The following GAB4 variants were observed in gnomAD, a reference collection of about 807,000 sequenced individuals.
GAB4 encodes GRB2-associated-binding protein 4.
Under a neutral mutation model 51.3 loss-of-function variants are expected in GAB4, and 26 were observed. The observed-to-expected ratio is 0.51, with a 90% CI of 0.37 to 0.70. GAB4 has a LOEUF of 0.70. Ranked by LOEUF, GAB4 falls within the 30% of genes least tolerant of loss-of-function variation. GAB4 has a pLI of 0.00. For missense variants in GAB4, 759 were observed against 734.6 expected, an observed-to-expected ratio of 1.03 and a Z score of -0.38; for synonymous variants, 329 against 291.2, an observed-to-expected ratio of 1.13 and a Z score of -1.32.
intron 3 of GAB4, among the ~76,000 whole-genome samples, chr22:16,974,718 G>A (rs1164881182): frequency 6.6e-6 from 1 of 152,318 alleles, no homozygotes; most frequent in African/African-American, 2.4e-5. Flanking sequence ...ATGGGTGGCT[G>A]GCAAGATGGC....
At chr22:16,970,638 G>A (rs74664467) in intron 3 of GAB4, among the ~76,000 whole-genome samples, 6,826 of 152,206 alleles carry the variant, frequency 0.045, 234 homozygotes, top group Middle Eastern at 0.088. Flanking sequence ...GCTGAGAGAC[G>A]GTGGGGAGAG....
At chr22:16,976,192 A>G (rs1362963668) in intron 3 of GAB4, among the ~76,000 whole-genome samples, 1 of 152,256 alleles carries the variant, frequency 6.6e-6, no homozygotes, top group African/African-American at 2.4e-5. Context: ...TGACAGAAGT[A>G]GGCTTCAGCA....
chr22:16,995,284 T>C lies in GAB4; in HGVS notation c.175-3108A>G, dbSNP rs532712146. Among the ~76,000 whole-genome samples the C allele has an allele frequency of 1.5e-3, 222 of 152,340 alleles. 1 individual carries two copies. Among genetic ancestry groups the C allele is most frequent in the Non-Finnish European group, 2.5e-3 (172 of 68,020 alleles). ...TTTCCCAAATCTGTAAGCAGATCCT[T>C]GAAAGCTGTGGATTGCTCGGCTCCA... On this transcript the variant is annotated intron_variant, in intron 1 of 9. Transcript: ENST00000400588.
intron 1 of GAB4, among the ~76,000 whole-genome samples, chr22:17,003,564 C>T (rs2061015667): frequency 6.6e-6 from 1 of 152,146 alleles, no homozygotes. Flanking sequence ...ACTGAAAAAC[C>T]TGCTCCTGAA....
intron 3 of GAB4, among the ~76,000 whole-genome samples, chr22:16,975,132 T>G (rs2060766310): frequency 6.6e-6 from 1 of 152,162 alleles, no homozygotes; most frequent in African/African-American, 2.4e-5. Flanking sequence ...CATACCCTAG[T>G]GGCGCCTGGA....
chr22:16,962,253 C>G lies in GAB4; in HGVS notation c.*480G>C, dbSNP rs1382346031. The G allele has an allele frequency of 6.5e-6, 1 of 152,806 alleles. No individual in the cohort carries two copies. Among genetic ancestry groups the G allele is most frequent in the Non-Finnish European group, 1.5e-5 (1 of 68,438 alleles). 9.5% of individuals were successfully genotyped at this position (152,806 alleles called of 1,614,324 possible). On this transcript the variant is annotated 3_prime_UTR_variant, in exon 10 of 10. Coordinates refer to ENST00000400588, the MANE Select transcript of GAB4 (RefSeq NM_001037814.1). ...CTAAGGATCTAATTCCTTTGCTTCT[C>G]AAGACCACCTTTAACCTTCCTTCTC...
chr22:16,962,724 TG>T lies in GAB4; in HGVS notation c.*8del. On this transcript the variant is annotated 3_prime_UTR_variant, in exon 10 of 10. Coordinates refer to ENST00000400588, the MANE Select transcript of GAB4 (RefSeq NM_001037814.1). ...TGTCCTGGCCCCACTCTGGTTTTGG[TG>T]GCCCGAGTCACAGCTTGGCGCCCCT... The T allele has an allele frequency of 6.2e-7, 1 of 1,607,298 alleles. No individual in the cohort carries two copies. Among genetic ancestry groups the T allele is most frequent in the Non-Finnish European group, 8.5e-7 (1 of 1,178,186 alleles).
chr22:16,987,543 A>C (rs1163142257), intron 3 of GAB4, among the ~76,000 whole-genome samples: 1 of 152,254 alleles, frequency 6.6e-6, no homozygotes, highest in Non-Finnish European at 1.5e-5. Context: ...CCATGACTGC[A>C]GCTACTGTGG....
intron 6 of GAB4, 44 bp downstream of exon 6, chr22:16,966,054 CAG>C (rs2060669619): frequency 6.3e-7 from 1 of 1,580,294 alleles, no homozygotes; most frequent in African/African-American, 1.3e-5. Context: ...TAAGCGAATG[CAG>C]AGTCCCTGGA....
intron 1 of GAB4, among the ~76,000 whole-genome samples, chr22:17,005,339 A>G (rs765816479): frequency 1.3e-5 from 2 of 152,210 alleles, no homozygotes; most frequent in Non-Finnish European, 1.5e-5. Flanking sequence ...CCACTGCTCA[A>G]GGAAATAAGA....
rs1601298868 is a variant in GAB4, at chr22:17,008,101, G to A, written c.14C>T (p.Ser5Phe). The change falls in exon 1 of 10, where the codon TCC becomes TTC. Residue 5 changes from serine to phenylalanine, a missense_variant. Physicochemically the swap from Ser to Phe is radical, Grantham distance 155. Transcript: ENST00000400588. Reference protein sequence around the residue: MSLPSPSPSRELCPP... With the variant: MSLPFPSPSRELCPP... ...GCACAGCTCCCGGGAGGGTGAGGGGGACGGCAGGGACATGGGGGCTGCAGC... is the reference window on the plus strand; with the variant it reads ...GCACAGCTCCCGGGAGGGTGAGGGGAACGGCAGGGACATGGGGGCTGCAGC... The A allele has an allele frequency of 6.2e-7, 1 of 1,604,874 alleles. No individual in the cohort carries two copies. The highest frequency in any genetic ancestry group is 8.5e-7 in the Non-Finnish European group (1 of 1,175,392).
At chr22:16,966,398 C>T (rs1227356209) in intron 5 of GAB4, 34 bp from the exon 6 acceptor site, 20 of 1,591,042 alleles carry the variant, frequency 1.3e-5, no homozygotes, top group South Asian at 3.3e-5. Flanking sequence ...ACACAGCTAT[C>T]ACCAGCAAGA....
At chr22:16,996,702 C>A (rs764095160) in intron 1 of GAB4, among the ~76,000 whole-genome samples, 14 of 151,890 alleles carry the variant, frequency 9.2e-5, no homozygotes, top group Admixed American at 4.6e-4. Flanking sequence ...ATGGTACATG[C>A]GCAAAACGTG....
intron 1 of GAB4, among the ~76,000 whole-genome samples, chr22:16,992,476 A>G (rs2060922041): frequency 6.6e-6 from 1 of 152,208 alleles, no homozygotes; most frequent in African/African-American, 2.4e-5. Context: ...ACTGACCTCA[A>G]TGCATAGCAC....
At chr22:16,990,627 CCT>C (rs1336668271) in intron 2 of GAB4, among the ~76,000 whole-genome samples, 3 of 152,152 alleles carry the variant, frequency 2.0e-5, no homozygotes, top group Non-Finnish European at 4.4e-5. Flanking sequence ...CTCCACAGCC[CCT>C]GTCTAGCACT....
At chr22:16,996,388 G>T (rs2060949249) in intron 1 of GAB4, among the ~76,000 whole-genome samples, 1 of 151,996 alleles carries the variant, frequency 6.6e-6, no homozygotes, top group Non-Finnish European at 1.5e-5. Context: ...CATTCTTAAG[G>T]ATATTATCCA....
intron 3 of GAB4, among the ~76,000 whole-genome samples, chr22:16,986,527 A>C (rs1293063864): frequency 6.6e-6 from 1 of 152,202 alleles, no homozygotes; most frequent in African/African-American, 2.4e-5. Flanking sequence ...AGTCGTTTCC[A>C]TTCTGAAGAT....
intron 1 of GAB4, among the ~76,000 whole-genome samples, chr22:16,995,186 G>A (rs73147673): frequency 0.022 from 3,356 of 152,196 alleles, 57 homozygotes; most frequent in Middle Eastern, 0.068. Context: ...TAGAATTTGG[G>A]CTGAGGGTAG....
intron 3 of GAB4, among the ~76,000 whole-genome samples, chr22:16,975,649 C>T (rs2060771427): frequency 6.6e-6 from 1 of 152,206 alleles, no homozygotes; most frequent in Non-Finnish European, 1.5e-5. Flanking sequence ...CAGCACAACG[C>T]CCGAGCCCTG....
Sources: allele counts gnomAD v4.1 joint callset (sites outside exome capture counted in the v4.1 genomes callset), GRCh38; gene constraint gnomAD v4.1.1; transcripts MANE v1.5; gene names NCBI Gene and HGNC (gene_info 2026-07-23, HGNC 2026-07-21).